Variants in NPAS3 observed in about 807,000 individuals in gnomAD.
The protein encoded by NPAS3 is neuronal PAS domain-containing protein 3.
NPAS3 carries 14 observed loss-of-function variants against 73.1 expected under a neutral mutation model. The ratio of observed to expected loss-of-function variants is 0.19; its 90% CI spans 0.13 to 0.30. The LOEUF (loss-of-function observed/expected upper bound fraction) is 0.30. NPAS3 is among the 10% of genes least tolerant of loss of function. NPAS3 has a pLI of 1.00. For synonymous variants in NPAS3, 620 were observed against 541.5 expected, an observed-to-expected ratio of 1.14 and a Z score of -2.01; for missense variants, 1,096 against 1,250.0, an observed-to-expected ratio of 0.88 and a Z score of 1.86.
intron 3 of NPAS3, among the ~76,000 whole-genome samples, chr14:33,349,353 A>G (rs1378992954): frequency 1.3e-5 from 2 of 152,216 alleles, no homozygotes; most frequent in African/African-American, 4.8e-5. Flanking sequence ...AATTCTTTCT[A>G]TGATAGAATT....
intron 4 of NPAS3, among the ~76,000 whole-genome samples, chr14:33,514,399 C>T (rs1172582757): frequency 6.6e-6 from 1 of 152,010 alleles, no homozygotes; most frequent in East Asian, 1.9e-4. Flanking sequence ...AAGGGCCATC[C>T]AGTTATTCCT....
chr14:33,198,295 C>G (rs1298969462), intron 2 of NPAS3, among the ~76,000 whole-genome samples: 2 of 152,324 alleles, frequency 1.3e-5, no homozygotes, highest in Non-Finnish European at 2.9e-5. Context: ...GCTTTTAATT[C>G]CCTTATCTGG....
At chr14:33,683,540 T>C (rs1260649476) in intron 6 of NPAS3, among the ~76,000 whole-genome samples, 1 of 152,122 alleles carries the variant, frequency 6.6e-6, no homozygotes, top group African/African-American at 2.4e-5. Context: ...TATTTGCTTT[T>C]AATACATTCC....
At chr14:33,471,670 G>C (rs2050787658) in intron 4 of NPAS3, among the ~76,000 whole-genome samples, 1 of 152,202 alleles carries the variant, frequency 6.6e-6, no homozygotes, top group Non-Finnish European at 1.5e-5. Context: ...CAACGAGGTA[G>C]GTAGAAATTA....
chr14:33,486,732 C>CTTGG (rs2051619719), intron 4 of NPAS3, among the ~76,000 whole-genome samples: 1 of 152,206 alleles, frequency 6.6e-6, no homozygotes, highest in Non-Finnish European at 1.5e-5. Flanking sequence ...TCCTGACAGA[C>CTTGG]TTGGCCCCTC....
At chr14:33,549,352 C>T (rs1235086781) in intron 4 of NPAS3, among the ~76,000 whole-genome samples, 1 of 152,172 alleles carries the variant, frequency 6.6e-6, no homozygotes, top group African/African-American at 2.4e-5. Context: ...CCACCCGAGT[C>T]TCCTGAGTAG....
At chr14:33,435,339 TG>T (rs1249330606) in intron 4 of NPAS3, among the ~76,000 whole-genome samples, 1 of 152,216 alleles carries the variant, frequency 6.6e-6, no homozygotes, top group African/African-American at 2.4e-5. Flanking sequence ...ATAAAATTTT[TG>T]TAAATGTCTT....
At chr14:33,517,249 C>G (rs2053345752) in intron 4 of NPAS3, among the ~76,000 whole-genome samples, 2 of 152,010 alleles carry the variant, frequency 1.3e-5, no homozygotes. Flanking sequence ...TCTGCTTGTC[C>G]TAAAGCACGG....
At chr14:33,198,735 G>T (rs577923844) in intron 2 of NPAS3, among the ~76,000 whole-genome samples, 2 of 152,168 alleles carry the variant, frequency 1.3e-5, no homozygotes, top group South Asian at 2.1e-4. Context: ...TGCGCCATTC[G>T]CCTGCACTCC....
intron 2 of NPAS3, among the ~76,000 whole-genome samples, chr14:33,182,629 T>C (rs1395523539): frequency 6.6e-6 from 1 of 152,330 alleles, no homozygotes; most frequent in African/African-American, 2.4e-5. Context: ...GGTGTGATTA[T>C]TGTCAACATA....
intron 5 of NPAS3, among the ~76,000 whole-genome samples, chr14:33,638,315 T>A (rs2058582532): frequency 6.6e-6 from 1 of 152,212 alleles, no homozygotes; most frequent in African/African-American, 2.4e-5. Flanking sequence ...TCTGCTTCTA[T>A]CAAACCATGG....
At chr14:33,623,977 C>T (rs796630043) in intron 5 of NPAS3, among the ~76,000 whole-genome samples, 2 of 152,230 alleles carry the variant, frequency 1.3e-5, no homozygotes, top group South Asian at 2.1e-4. Context: ...GATATGGCAT[C>T]GCTTGTTCTC....
intron 2 of NPAS3, among the ~76,000 whole-genome samples, chr14:33,159,406 G>A (rs984283020): frequency 3.3e-5 from 5 of 151,970 alleles, no homozygotes; most frequent in South Asian, 2.1e-4. Context: ...AAGGTAAAAC[G>A]TTTTCTTGTA....
At chr14:33,604,359 C>CTATG (rs1001024019) in intron 5 of NPAS3, among the ~76,000 whole-genome samples, 7 of 151,832 alleles carry the variant, frequency 4.6e-5, no homozygotes, top group Non-Finnish European at 8.8e-5. Flanking sequence ...GAAAGAGTAG[C>CTATG]TATGTTAATA....
intron 3 of NPAS3, among the ~76,000 whole-genome samples, chr14:33,325,150 A>G (rs999569189): frequency 6.6e-6 from 1 of 152,046 alleles, no homozygotes; most frequent in Non-Finnish European, 1.5e-5. Flanking sequence ...GGTTTGATGA[A>G]CCAATTTTTT....
chr14:32,994,630 G>GTTTTTTTTTTTTTTTTTTT (rs777136450), intron 1 of NPAS3, among the ~76,000 whole-genome samples: 2 of 123,600 alleles, frequency 1.6e-5, no homozygotes. Context: ...TTGTTTGTTT[G>GTTTTTTTTTTTTTTTTTTT]TTTTTGTTTT....
chr14:32,998,019 C>G (rs2038654327), intron 1 of NPAS3, among the ~76,000 whole-genome samples: 1 of 152,194 alleles, frequency 6.6e-6, no homozygotes, highest in African/African-American at 2.4e-5. Context: ...AGAAATTCCA[C>G]TTCTTGGTAT....
At chr14:33,297,185 C>T (rs771635299) in intron 3 of NPAS3, among the ~76,000 whole-genome samples, 1 of 151,362 alleles carries the variant, frequency 6.6e-6, no homozygotes, top group Non-Finnish European at 1.5e-5. Flanking sequence ...CCTAGCTCTG[C>T]CATTTACTGG....
chr14:33,646,849 A>AT (rs55915631), intron 5 of NPAS3, among the ~76,000 whole-genome samples: 40 of 150,742 alleles, frequency 2.7e-4, no homozygotes, highest in South Asian at 8.4e-4. Flanking sequence ...TATTTATAAC[A>AT]TTTTTTTTTT....
Sources: allele counts gnomAD v4.1 joint callset (sites outside exome capture counted in the v4.1 genomes callset), GRCh38; gene constraint gnomAD v4.1.1; transcripts MANE v1.5; gene names NCBI Gene and HGNC (gene_info 2026-07-23, HGNC 2026-07-21).